Variants in ZBTB44 observed in about 807,000 individuals in gnomAD.
The protein encoded by ZBTB44 is zinc finger and BTB domain-containing protein 44.
Under a neutral mutation model 54.0 loss-of-function variants are expected in ZBTB44, and 15 were observed. The observed-to-expected ratio is 0.28, with a 90% CI of 0.19 to 0.43. The LOEUF (loss-of-function observed/expected upper bound fraction) is 0.43. ZBTB44 is among the 20% of genes least tolerant of loss of function. ZBTB44 has a pLI of 1.00. For missense variants in ZBTB44, 487 were observed against 707.1 expected (o/e 0.69, Z 3.53); for synonymous variants, 230 against 250.1 (o/e 0.92, Z 0.76).
intron 2 of ZBTB44, among the ~76,000 whole-genome samples, chr11:130,258,812 G>T (rs990781100): frequency 6.6e-6 from 1 of 152,126 alleles, no homozygotes; most frequent in East Asian, 1.9e-4. Context: ...ACAAAGTAAA[G>T]ATGGCAGTTT....
intron 2 of ZBTB44, among the ~76,000 whole-genome samples, chr11:130,244,876 A>C (rs1954575971): frequency 6.6e-6 from 1 of 152,144 alleles, no homozygotes; most frequent in African/African-American, 2.4e-5. Flanking sequence ...TCATCCACTT[A>C]AGTAAAAAGC....
intron 1 of ZBTB44, among the ~76,000 whole-genome samples, chr11:130,313,760 G>T (rs1427568973): frequency 1.3e-5 from 2 of 152,046 alleles, no homozygotes; most frequent in Non-Finnish European, 2.9e-5. Context: ...TGTAAATTCT[G>T]CTTGGATTCA....
chr11:130,307,179 C>T (rs563253425), intron 1 of ZBTB44, among the ~76,000 whole-genome samples: 1 of 152,024 alleles, frequency 6.6e-6, no homozygotes, highest in African/African-American at 2.4e-5. Flanking sequence ...AATCCCAGCA[C>T]TTTGGGAGGC....
intron 3 of ZBTB44, 163 bp from the exon 4 acceptor site, chr11:130,238,770 T>C: frequency 2.6e-6 from 2 of 773,986 alleles, no homozygotes; most frequent in South Asian, 2.5e-5. Flanking sequence ...TGAAAAACAA[T>C]GTTAATGTCC....
chr11:130,255,289 C>T (rs1407796372), intron 2 of ZBTB44, among the ~76,000 whole-genome samples: 3 of 152,106 alleles, frequency 2.0e-5, no homozygotes, highest in Admixed American at 6.5e-5. Context: ...ACTAAACAAC[C>T]TGCTCCTGCA....
intron 1 of ZBTB44, among the ~76,000 whole-genome samples, chr11:130,270,443 A>T (rs1243252484): frequency 1.3e-5 from 2 of 152,212 alleles, no homozygotes; most frequent in Non-Finnish European, 2.9e-5. Context: ...TAGATATGCT[A>T]TCTCACATGA....
intron 2 of ZBTB44, among the ~76,000 whole-genome samples, chr11:130,248,750 A>G (rs968365762): frequency 2.0e-5 from 3 of 152,204 alleles, no homozygotes; most frequent in Non-Finnish European, 2.9e-5. Context: ...ATAATAATAT[A>G]TAGGTAACAG....
Position 130,239,864 on chromosome 11 carries a change from G to A in ZBTB44, c.1051C>T (p.Pro351Ser). The A allele has an allele frequency of 6.2e-7, 1 of 1,612,142 alleles. No individual in the cohort carries two copies. The highest frequency in any genetic ancestry group is 8.5e-7 in the Non-Finnish European group (1 of 1,178,866). Residue 351 changes from proline (P) to serine (S), a missense_variant, in exon 3 of 8, where the codon CCT (proline) becomes TCT (serine). Pro to Ser is a moderately conservative substitution (Grantham distance 74). Transcript: ENST00000357899. ...GTGCTAGACGTGCTTTGAAGTGTAG[G>A]CAAGCCCTCAGAAACGCCTTCATCT... ...SVDEGVSEGL[P>S]TLQSTSSTNA...
chr11:130,296,150 C>T, intron 1 of ZBTB44: 1 of 1,451,192 alleles, frequency 6.9e-7, no homozygotes, highest in Non-Finnish European at 9.6e-7. Flanking sequence ...GCCACCCAAA[C>T]TCGAAAAGTT....
intron 1 of ZBTB44, among the ~76,000 whole-genome samples, chr11:130,312,661 AAAG>A (rs982462038): frequency 3.9e-5 from 6 of 152,222 alleles, no homozygotes; most frequent in African/African-American, 1.4e-4. Flanking sequence ...TCCCCTGCAA[AAAG>A]AAGAGGGGAT....
In ZBTB44 at chr11:130,228,093, C is replaced by G. The variant is rs963522628; in HGVS notation, c.*3671G>C. ...GCCATATACTATCCTCCAAGTTGGA[C>G]ATAAGGTGCCACAAGGCTGCCCTAC... On this transcript the variant is annotated 3_prime_UTR_variant, in exon 8 of 8. Transcript: ENST00000357899. The G allele has an allele frequency of 6.6e-6, 1 of 152,146 alleles. No homozygotes were observed. The highest frequency in any genetic ancestry group is 1.9e-4 in the East Asian group (1 of 5,200). The allele number at this position is 152,146 out of a possible 1,614,324, so 9.4% of individuals were successfully genotyped here.
intron 2 of ZBTB44, among the ~76,000 whole-genome samples, chr11:130,251,780 T>C (rs1371035916): frequency 1.3e-5 from 2 of 151,916 alleles, no homozygotes; most frequent in African/African-American, 4.8e-5. Flanking sequence ...GCACTAAATA[T>C]GGAAAGGAAA....
At chr11:130,277,369 TGAC>T (rs1019191039) in intron 1 of ZBTB44, among the ~76,000 whole-genome samples, 19 of 152,214 alleles carry the variant, frequency 1.2e-4, no homozygotes, top group Non-Finnish European at 2.6e-4. Flanking sequence ...GACAAAAACA[TGAC>T]TACTATATAT....
At chr11:130,262,011 T>C in intron 1 of ZBTB44, 82 bp from the exon 2 acceptor site, 1 of 1,042,254 alleles carries the variant, frequency 9.6e-7, no homozygotes. Flanking sequence ...GTGGCCACTG[T>C]ACTAAATTAA....
intron 2 of ZBTB44, among the ~76,000 whole-genome samples, chr11:130,242,863 A>G (rs1315598192): frequency 6.6e-6 from 1 of 152,086 alleles, no homozygotes; most frequent in Non-Finnish European, 1.5e-5. Flanking sequence ...GCTTCCATCA[A>G]ACCTACATTT....
At chr11:130,303,703 T>C (rs1008163282) in intron 1 of ZBTB44, among the ~76,000 whole-genome samples, 1 of 151,706 alleles carries the variant, frequency 6.6e-6, no homozygotes, top group Admixed American at 6.6e-5. Flanking sequence ...TTAATACCTG[T>C]AGAAGGATAG....
chr11:130,263,590 T>C (rs539827370), intron 1 of ZBTB44, among the ~76,000 whole-genome samples: 1 of 152,180 alleles, frequency 6.6e-6, no homozygotes, highest in Non-Finnish European at 1.5e-5. Flanking sequence ...GGAAGACATG[T>C]GCATCGGAGT....
intron 1 of ZBTB44, among the ~76,000 whole-genome samples, chr11:130,293,793 T>C (rs1941459163): frequency 1.3e-5 from 2 of 151,924 alleles, no homozygotes; most frequent in South Asian, 4.2e-4. Flanking sequence ...CGAAATTCCA[T>C]CTCAAAACAA....
At chr11:130,298,109 A>G (rs1941765073) in intron 1 of ZBTB44, among the ~76,000 whole-genome samples, 1 of 152,142 alleles carries the variant, frequency 6.6e-6, no homozygotes, top group Non-Finnish European at 1.5e-5. Context: ...AAACACTGAC[A>G]AAATTAAAGG....
Sources: gnomAD v4.1 joint callset for allele counts (sites outside exome capture counted in the v4.1 genomes callset) on GRCh38, gnomAD v4.1.1 for gene constraint, MANE v1.5 for transcripts, NCBI Gene and HGNC (gene_info 2026-07-23, HGNC 2026-07-21) for gene names.